The following RSPO2 variants were observed in gnomAD, a reference collection of about 807,000 sequenced individuals.
RSPO2 encodes the protein R-spondin 2, also known as R-spondin-2.
RSPO2 carries 14 observed loss-of-function variants against 30.9 expected under a neutral mutation model. That is an observed-to-expected ratio of 0.45 (90% CI 0.30 to 0.71). The LOEUF (loss-of-function observed/expected upper bound fraction) is 0.71. RSPO2 is among the 30% of genes least tolerant of loss of function. The pLI, the probability that RSPO2 is intolerant of heterozygous loss-of-function variation, is 0.08. For missense variants in RSPO2, 264 were observed against 301.9 expected (o/e 0.87, Z 0.93); for synonymous variants, 107 against 96.4 (o/e 1.11, Z -0.64).
At chr8:107,914,977 G>A (rs990001584) in intron 5 of RSPO2, among the ~76,000 whole-genome samples, 2 of 152,194 alleles carry the variant, frequency 1.3e-5, no homozygotes, top group Non-Finnish European at 2.9e-5. Context: ...CTGTTTTAAT[G>A]ACCATTGAAT....
intron 2 of RSPO2, among the ~76,000 whole-genome samples, chr8:108,017,854 T>C (rs2130604009): frequency 6.6e-6 from 1 of 152,220 alleles, no homozygotes; most frequent in East Asian, 1.9e-4. Context: ...CCTCCAAAAA[T>C]CAAAGGGAGG....
At chr8:107,980,081 C>T (rs1047239976) in intron 3 of RSPO2, among the ~76,000 whole-genome samples, 3 of 152,172 alleles carry the variant, frequency 2.0e-5, no homozygotes, top group Non-Finnish European at 4.4e-5. Context: ...TCACCCTACT[C>T]CTCTTTCAAG....
chr8:107,930,867 C>G (rs1812532244), intron 5 of RSPO2, among the ~76,000 whole-genome samples: 1 of 152,086 alleles, frequency 6.6e-6, no homozygotes, highest in Non-Finnish European at 1.5e-5. Context: ...ATTTTTCATC[C>G]CATGACCATA....
chr8:107,932,817 C>A (rs984776206), intron 5 of RSPO2, among the ~76,000 whole-genome samples: 9 of 151,812 alleles, frequency 5.9e-5, no homozygotes, highest in Non-Finnish European at 2.9e-5. Flanking sequence ...AGAGAGAGAG[C>A]AAGGTAACCG....
intron 2 of RSPO2, among the ~76,000 whole-genome samples, chr8:108,041,946 T>C (rs780029479): frequency 9.9e-5 from 15 of 152,118 alleles, no homozygotes; most frequent in Non-Finnish European, 1.8e-4. Context: ...GGTCTACCAA[T>C]ATCTAACAGT....
chr8:107,909,578 G>A (rs1199205336), intron 5 of RSPO2, among the ~76,000 whole-genome samples: 4 of 152,040 alleles, frequency 2.6e-5, no homozygotes, highest in African/African-American at 7.2e-5. Flanking sequence ...CAATAAATAC[G>A]GATAGTCATT....
At chr8:108,060,157 G>A (rs7835861) in intron 2 of RSPO2, among the ~76,000 whole-genome samples, 122 of 151,648 alleles carry the variant, frequency 8.0e-4, no homozygotes, top group Non-Finnish European at 1.4e-3. Context: ...ACAGCTCCTC[G>A]CCAGCAATGG....
intron 2 of RSPO2, among the ~76,000 whole-genome samples, chr8:108,043,082 G>GC (rs1276626630): frequency 5.9e-5 from 9 of 152,134 alleles, no homozygotes; most frequent in Non-Finnish European, 1.2e-4. Flanking sequence ...GCATTAAATA[G>GC]CCTCAGATAA....
intron 2 of RSPO2, among the ~76,000 whole-genome samples, chr8:108,007,856 C>T (rs1345545457): frequency 6.6e-6 from 1 of 152,090 alleles, no homozygotes; most frequent in Non-Finnish European, 1.5e-5. Flanking sequence ...AGGAGGGTCA[C>T]GTGAGCCCAA....
chr8:108,074,439 C>T (rs1406698326), intron 2 of RSPO2, among the ~76,000 whole-genome samples: 4 of 152,164 alleles, frequency 2.6e-5, no homozygotes, highest in African/African-American at 7.2e-5. Flanking sequence ...TGCACACACA[C>T]ATTTGTTCTG....
intron 3 of RSPO2, among the ~76,000 whole-genome samples, chr8:107,965,361 C>A (rs1232697165): frequency 2.0e-5 from 3 of 152,152 alleles, no homozygotes; most frequent in South Asian, 2.1e-4. Context: ...AGGCTGAGCA[C>A]CCTCTCTCCT....
Position 107,958,139 on chromosome 8 carries a change from A to G in RSPO2, c.557T>C (p.Leu186Pro), listed in dbSNP as rs601558. ...IVKKPVKDTI[L>P]CPTIAESRRC... ...CCTGGATTCAGCAATGGTTGGACAC[A>G]GTATTGTGTCTTTCACTGGCTTTTT... Residue 186 changes from leucine to proline, a missense_variant, in exon 5 of 6, where the codon CTG (leucine) becomes CCG (proline). By Grantham distance (98) the Leu-to-Pro change is moderately conservative (BLOSUM62 -3). Coordinates refer to ENST00000276659, the MANE Select transcript of RSPO2 (RefSeq NM_178565.5). 0.6 allele frequency: 972,114 copies of G among 1,612,650 alleles called. 302,020 individuals are homozygous for G. The highest frequency in any genetic ancestry group is 0.67 in the East Asian group (30,212 of 44,828).
Position 107,960,813 on chromosome 8 carries a change from G to A in RSPO2, c.288C>T (p.Cys96=), listed in dbSNP as rs1274144074. The change falls in exon 4 of 6, where the codon TGC becomes TGT. Residue 96 remains cysteine, a synonymous_variant. Coordinates refer to ENST00000276659, the MANE Select transcript of RSPO2 (RefSeq NM_178565.5). The part of the protein sequence containing the change: ...RAPDMNRCAR[C]RIENCDSCFS... ...AGCAAGAATCACAGTTTTCTATTCT[G>A]CATCCTAAAAACAATTTTAAAGAGA... 1 of 1,575,828 alleles carries A rather than the reference G, an allele frequency of 6.3e-7. No individual in the cohort carries two copies. Among genetic ancestry groups the A allele is most frequent in the Non-Finnish European group, 8.6e-7 (1 of 1,166,046 alleles).
intron 3 of RSPO2, 57 bp from the exon 4 acceptor site, chr8:107,960,874 T>C (rs1563540201): frequency 1.5e-6 from 2 of 1,368,200 alleles, no homozygotes; most frequent in Admixed American, 2.7e-5. Context: ...TTTACTTGTT[T>C]TACAAATAAA....
chr8:107,951,054 TTGTTG>T (rs1563535637), intron 5 of RSPO2, among the ~76,000 whole-genome samples: 6 of 145,412 alleles, frequency 4.1e-5, no homozygotes, highest in South Asian at 2.2e-4. Context: ...TTTTTTTTTG[TTGTTG>T]TTGTTGTTGT....
At chr8:107,917,291 G>C (rs1563519468) in intron 5 of RSPO2, among the ~76,000 whole-genome samples, 1 of 151,860 alleles carries the variant, frequency 6.6e-6, no homozygotes, top group Non-Finnish European at 1.5e-5. Flanking sequence ...TTGAGACCAG[G>C]TTGGCCAACA....
chr8:108,026,517 A>T (rs924284562), intron 2 of RSPO2, among the ~76,000 whole-genome samples: 1 of 152,192 alleles, frequency 6.6e-6, no homozygotes, highest in Non-Finnish European at 1.5e-5. Context: ...TCTCCAACTT[A>T]TAAAATTTCA....
At chr8:107,958,501 T>C (rs1372867308) in intron 4 of RSPO2, among the ~76,000 whole-genome samples, 1 of 152,170 alleles carries the variant, frequency 6.6e-6, no homozygotes, top group African/African-American at 2.4e-5. Context: ...TTTGTCTTAG[T>C]TCAGTTTTTG....
intron 5 of RSPO2, among the ~76,000 whole-genome samples, chr8:107,954,215 C>T (rs1328182669): frequency 6.6e-6 from 1 of 152,244 alleles, no homozygotes; most frequent in Non-Finnish European, 1.5e-5. Context: ...TAGAAGACCA[C>T]AGCCACCTAC....
Sources: gnomAD v4.1 joint callset for allele counts (sites outside exome capture counted in the v4.1 genomes callset) on GRCh38, gnomAD v4.1.1 for gene constraint, MANE v1.5 for transcripts, NCBI Gene and HGNC (gene_info 2026-07-23, HGNC 2026-07-21) for gene names.